Variants in ARHGEF1 observed in about 807,000 individuals in gnomAD.
The protein encoded by ARHGEF1 is 115 kDa guanine nucleotide exchange factor.
ARHGEF1 carries 40 observed loss-of-function variants against 119.7 expected under a neutral mutation model. That is an observed-to-expected ratio of 0.33 (90% CI 0.26 to 0.44). The LOEUF (loss-of-function observed/expected upper bound fraction) is 0.44. Ranked by LOEUF, ARHGEF1 falls within the 20% of genes least tolerant of loss-of-function variation. The probability of loss-of-function intolerance (pLI) is 1.00; values close to 1 mark genes in which losing one functional copy is unlikely to be tolerated. For missense variants in ARHGEF1, 976 were observed against 1,268.3 expected, an observed-to-expected ratio of 0.77 and a Z score of 3.50; for synonymous variants, 494 against 521.0, an observed-to-expected ratio of 0.95 and a Z score of 0.71.
intron 13 of ARHGEF1, 77 bp downstream of exon 13, chr19:41,896,559 A>G (rs1555847688): frequency 1.7e-6 from 2 of 1,158,092 alleles, no homozygotes; most frequent in African/African-American, 1.5e-5. Flanking sequence ...CACCGCTGCC[A>G]TCTGTGCCTG....
intron 13 of ARHGEF1, 24 bp downstream of exon 13, chr19:41,896,506 C>A: frequency 6.6e-7 from 1 of 1,505,128 alleles, no homozygotes; most frequent in South Asian, 1.3e-5. Context: ...GGTGCAGGGG[C>A]GGGAGGTGTG....
upstream of ARHGEF1, among the ~76,000 whole-genome samples, chr19:41,920,359 G>T (rs1354477529): frequency 7.8e-6 from 1 of 128,396 alleles, no homozygotes; most frequent in Non-Finnish European, 1.6e-5. Context: ...CAGACGTGAC[G>T]CACAGACATG....
At position 41,888,222 on chromosome 19, in the gene ARHGEF1, G is replaced by T; in HGVS notation, c.55G>T (p.Val19Phe). Residue 19 changes from valine to phenylalanine, a missense_variant, in exon 3 of 29, where the codon GTT becomes TTT. Physicochemically the swap from Val to Phe is conservative, Grantham distance 50 (BLOSUM62 -1). Coordinates refer to ENST00000354532, the MANE Select transcript of ARHGEF1 (RefSeq NM_004706.4). This position sits in a 1 kb window ranked among gnomAD's most constrained non-coding sequence, Gnocchi z 5.1. ...CCCAGGCCCCTCCCGGCCTGGCCTG[G>T]TTCCCGTCAGCATCATCGGGGCTGA... ...ASPGPSRPGL[V>F]PVSIIGAEDE... 2.5e-6 allele frequency: 4 copies of T among 1,614,050 alleles called. No individual in the cohort carries two copies. The highest frequency in any genetic ancestry group is 3.4e-6 in the Non-Finnish European group (4 of 1,179,992).
At chr19:41,885,501 T>C (rs2074280431) in intron 1 of ARHGEF1, among the ~76,000 whole-genome samples, 1 of 152,186 alleles carries the variant, frequency 6.6e-6, no homozygotes, top group Non-Finnish European at 1.5e-5. Context: ...TCACTTCTGT[T>C]ACCAGGCTGG....
chr19:41,885,454 TTTTATTTA>T (rs34459918), intron 1 of ARHGEF1, among the ~76,000 whole-genome samples: 2 of 151,066 alleles, frequency 1.3e-5, no homozygotes, highest in African/African-American at 4.8e-5. Context: ...TTTTATTTTG[TTTTATTTA>T]TTTATTTATT....
At chr19:41,913,858 C>T (rs1555851507) in intron 18 of ARHGEF1, among the ~76,000 whole-genome samples, 1 of 151,044 alleles carries the variant, frequency 6.6e-6, no homozygotes. Context: ...ACACACGCTG[C>T]CCTCGCGCTC....
chr19:41,891,880 G>A (rs1286959073), intron 4 of ARHGEF1, 145 bp from the exon 5 acceptor site: 5 of 642,514 alleles, frequency 7.8e-6, no homozygotes, highest in Non-Finnish European at 5.2e-6. Flanking sequence ...TAGGGGTGGA[G>A]GTCAGGGAGT....
In ARHGEF1 at chr19:41,914,474, C is replaced by G. The variant is rs1399509575; in HGVS notation, c.1865+7671C>G. Among the ~76,000 whole-genome samples, 11 of 151,766 alleles carry G rather than the reference C, an allele frequency of 7.2e-5. 1 individual carries two copies. Among genetic ancestry groups the G allele is most frequent in the Admixed American group, 7.2e-4 (11 of 15,282 alleles). ...TCTCTCACCCCTGCTTCTTCTCCATCTGTCTCTCCATCTTCCCAGTGTGTC... is the reference window on the plus strand; with the variant it reads ...TCTCTCACCCCTGCTTCTTCTCCATGTGTCTCTCCATCTTCCCAGTGTGTC... On this transcript the variant is annotated intron_variant, in intron 18 of 20. Transcript: ENST00000599589.
intron 13 of ARHGEF1, 27 bp downstream of exon 13, chr19:41,896,509 G>A: frequency 6.6e-7 from 1 of 1,506,160 alleles, no homozygotes; most frequent in Non-Finnish European, 8.9e-7. Flanking sequence ...GCAGGGGCGG[G>A]AGGTGTGGCT....
Position 41,892,450 on chromosome 19 carries a change from G to A in ARHGEF1, c.367+77G>A, listed in dbSNP as rs868935835. 2.4e-5 allele frequency: 39 copies of A among 1,596,122 alleles called. No homozygotes were observed. The highest frequency in any genetic ancestry group is 1.7e-4 in the Middle Eastern group (1 of 6,054). On this transcript the variant is annotated intron_variant, in intron 6 of 28. Transcript: ENST00000354532. This position sits in a 1 kb window ranked among gnomAD's most constrained non-coding sequence, Gnocchi z 6.3. Reference sequence around the variant, plus strand: ...CCAGGAGGCCAAGGGGAGGGAGGCCGCACTCCCATGCTCTGCTCGGACAGC... The same window carrying A: ...CCAGGAGGCCAAGGGGAGGGAGGCCACACTCCCATGCTCTGCTCGGACAGC...
chr19:41,900,290 C>T (rs1455776606), intron 14 of ARHGEF1, among the ~76,000 whole-genome samples: 1 of 152,014 alleles, frequency 6.6e-6, no homozygotes, highest in African/African-American at 2.4e-5. Flanking sequence ...GCAATGAACC[C>T]AGATCACTCC....
At chr19:41,896,960 CCTCCTCTCTTTCCTCCCCA>C in intron 13 of ARHGEF1, 2 of 382,088 alleles carry the variant, frequency 5.2e-6, no homozygotes, top group South Asian at 3.7e-5. Context: ...TCACCTTCCC[CCTCCTCTCTTTCCTCCCCA>C]CTCCTCTCTC....
rs1555845920 is a variant in ARHGEF1 at position 41,889,955 on chromosome 19, C to A, written c.225+1090C>A. 1.3e-5 allele frequency: 2 copies of A among 152,126 alleles called. No individual in the cohort carries two copies. Among genetic ancestry groups the A allele is most frequent in the Non-Finnish European group, 2.9e-5 (2 of 68,040 alleles). The allele number at this position is 152,126 out of a possible 1,614,324, so 9.4% of individuals were successfully genotyped here. On this transcript the variant is annotated intron_variant, in intron 4 of 28. Coordinates refer to ENST00000354532, the MANE Select transcript of ARHGEF1 (RefSeq NM_004706.4). The surrounding 1 kb of genome is among the most constrained non-coding windows in gnomAD (Gnocchi z 4.0). ...CAGGGATCGTGCTGACTACCATGTT[C>A]TTTTACAGATGTGGAAACCGAGGCC...
At chr19:41,896,300 G>A (rs1186167188) in intron 12 of ARHGEF1, 77 bp from the exon 13 acceptor site, 7 of 697,476 alleles carry the variant, frequency 1.0e-5, no homozygotes, top group Admixed American at 3.6e-5. Context: ...TTTAGCCCCC[G>A]CAATTCCAGG....
upstream of ARHGEF1, among the ~76,000 whole-genome samples, chr19:41,920,517 G>A (rs1411416340): frequency 6.7e-6 from 1 of 149,762 alleles, no homozygotes; most frequent in Non-Finnish European, 1.5e-5. Context: ...GACATGACAC[G>A]CTCACAGACA....
intron 18 of ARHGEF1, chr19:41,912,903 A>G: frequency 1.6e-6 from 2 of 1,231,490 alleles, no homozygotes; most frequent in Non-Finnish European, 2.0e-6. Flanking sequence ...AAGGTCGGAG[A>G]CGCAGCTACA....
At chr19:41,910,752 G>A (rs887364210), downstream of ARHGEF1, among the ~76,000 whole-genome samples, 1 of 152,248 alleles carries the variant, frequency 6.6e-6, no homozygotes, top group South Asian at 2.1e-4. The surrounding 1 kb of genome is among the most constrained non-coding windows in gnomAD (Gnocchi z 4.4). Context: ...CATGCCCACG[G>A]AAGACATGTC....
At chr19:41,908,926 TAC>T (rs1242788869), downstream of ARHGEF1, 101 of 531,330 alleles carry the variant, frequency 1.9e-4, no homozygotes, top group Non-Finnish European at 2.7e-4. This position sits in a 1 kb window ranked among gnomAD's most constrained non-coding sequence, Gnocchi z 6.7. Flanking sequence ...TTCTGGGTTT[TAC>T]ACACACACAC....
chr19:41,893,380 G>C lies in ARHGEF1; in HGVS notation c.644+77G>C. The stretch of plus-strand genomic sequence containing the variant: ...GCTGAGGGCCTGGACTCCTGGGTCT[G>C]AGGGAGGAGGAGGCTGGGGGGCCTG... On this transcript the variant is annotated intron_variant, in intron 8 of 28. Transcript: ENST00000354532. The C allele has an allele frequency of 2.4e-6, 3 of 1,225,894 alleles. No individual in the cohort carries two copies. The South Asian group carries it at 4.9e-5, about 20-fold the overall frequency. The allele number at this position is 1,225,894 out of a possible 1,614,324, so 75.9% of individuals were successfully genotyped here.
Sources: gnomAD v4.1 joint callset for allele counts (sites outside exome capture counted in the v4.1 genomes callset) on GRCh38, gnomAD v4.1.1 for gene constraint, Gnocchi (gnomAD v3.1) non-coding constraint, MANE v1.5 for transcripts, NCBI Gene and HGNC (gene_info 2026-07-23, HGNC 2026-07-21) for gene names.